Variants in ADAMTSL1 observed in about 807,000 individuals in gnomAD.
The protein encoded by ADAMTSL1 is ADAMTS like 1.
ADAMTSL1 carries 126 observed loss-of-function variants against 201.8 expected under a neutral mutation model. That is an observed-to-expected ratio of 0.62 (90% confidence interval 0.54 to 0.72). The LOEUF is 0.72. Ranked by LOEUF, ADAMTSL1 falls within the 30% of genes least tolerant of loss-of-function variation. The pLI is 0.00. For missense variants in ADAMTSL1, 2,679 were observed against 2,277.8 expected, an observed-to-expected ratio of 1.18 and a Z score of -3.59; for synonymous variants, 1,121 against 903.4, an observed-to-expected ratio of 1.24 and a Z score of -4.32.
intron 25 of ADAMTSL1, among the ~76,000 whole-genome samples, chr9:18,889,962 C>A (rs902690393): frequency 1.3e-5 from 2 of 152,088 alleles, no homozygotes; most frequent in African/African-American, 4.8e-5. Context: ...TTATTCCTCA[C>A]CCCACTAATG....
intron 2 of ADAMTSL1, among the ~76,000 whole-genome samples, chr9:18,450,925 G>A (rs953802608): frequency 1.3e-4 from 20 of 152,192 alleles, no homozygotes; most frequent in Admixed American, 2.6e-4. Context: ...AACAGGGAAA[G>A]ACAAGAACTG....
intron 9 of ADAMTSL1, among the ~76,000 whole-genome samples, chr9:18,673,501 G>T (rs1829952329): frequency 6.6e-6 from 1 of 152,222 alleles, no homozygotes. Context: ...CTGAATCCAG[G>T]TTTAAAGTTC....
chr9:18,043,649 G>A (rs559361347), intron 1 of ADAMTSL1, among the ~76,000 whole-genome samples: 1 of 152,174 alleles, frequency 6.6e-6, no homozygotes, highest in South Asian at 2.1e-4. Context: ...GCAAAGGGCA[G>A]AAGACTACAT....
intron 2 of ADAMTSL1, among the ~76,000 whole-genome samples, chr9:18,295,238 G>A (rs1833430947): frequency 1.3e-5 from 2 of 152,064 alleles, no homozygotes; most frequent in African/African-American, 4.8e-5. Flanking sequence ...GCTTTACCGA[G>A]AGGTCACAGT....
chr9:17,954,400 G>A (rs1164774326), intron 1 of ADAMTSL1, among the ~76,000 whole-genome samples: 1 of 152,288 alleles, frequency 6.6e-6, no homozygotes, highest in African/African-American at 2.4e-5. Flanking sequence ...TTCAGCCATC[G>A]TTAATCTGAT....
chr9:17,963,006 G>A (rs2772686), intron 1 of ADAMTSL1, among the ~76,000 whole-genome samples: 93,195 of 152,168 alleles, frequency 0.61, 29,001 homozygotes, highest in East Asian at 0.92. Flanking sequence ...TGTGACCTTC[G>A]GGGCACTAAA....
intron 4 of ADAMTSL1, among the ~76,000 whole-genome samples, chr9:18,614,725 G>A (rs983146031): frequency 3.3e-5 from 5 of 151,940 alleles, no homozygotes; most frequent in African/African-American, 9.7e-5. Context: ...ATATGTATTC[G>A]TAATAGCACC....
intron 19 of ADAMTSL1, among the ~76,000 whole-genome samples, chr9:18,780,108 T>A (rs776787997): frequency 5.9e-5 from 9 of 152,098 alleles, no homozygotes; most frequent in Non-Finnish European, 1.2e-4. Flanking sequence ...TTTCTTTGAG[T>A]GTTGGAGACT....
intron 7 of ADAMTSL1, among the ~76,000 whole-genome samples, chr9:18,653,727 A>G (rs772844306): frequency 3.9e-5 from 6 of 152,200 alleles, no homozygotes; most frequent in Admixed American, 6.5e-5. Context: ...TATAAGAAGT[A>G]TAGAGGTAAA....
intron 2 of ADAMTSL1, among the ~76,000 whole-genome samples, chr9:18,209,465 A>G (rs1017702410): frequency 1.3e-5 from 2 of 152,156 alleles, no homozygotes; most frequent in South Asian, 2.1e-4. Context: ...TATTTAGACC[A>G]TGGAACCAAA....
chr9:18,125,225 G>T (rs1825683956), intron 1 of ADAMTSL1, among the ~76,000 whole-genome samples: 1 of 152,076 alleles, frequency 6.6e-6, no homozygotes, highest in African/African-American at 2.4e-5. Flanking sequence ...GATGGCAGCA[G>T]GGAAAGAGAG....
chr9:18,768,581 C>G (rs1338987916), intron 16 of ADAMTSL1, among the ~76,000 whole-genome samples: 1 of 150,548 alleles, frequency 6.6e-6, no homozygotes, highest in Non-Finnish European at 1.5e-5. Flanking sequence ...GAAAATACAT[C>G]CTTTTTCCTA....
intron 1 of ADAMTSL1, among the ~76,000 whole-genome samples, chr9:18,003,425 G>C (rs1489511660): frequency 6.6e-6 from 1 of 152,070 alleles, no homozygotes; most frequent in Admixed American, 6.5e-5. Context: ...TGTGGTGAAA[G>C]GAATCTCTCC....
intron 2 of ADAMTSL1, among the ~76,000 whole-genome samples, chr9:18,414,272 G>A (rs370979698): frequency 7.2e-5 from 11 of 152,108 alleles, no homozygotes; most frequent in East Asian, 5.8e-4. Context: ...CATCTGGAAC[G>A]TATTCTCCCT....
At chr9:18,241,599 A>G (rs1029617857) in intron 2 of ADAMTSL1, among the ~76,000 whole-genome samples, 1 of 152,190 alleles carries the variant, frequency 6.6e-6, no homozygotes, top group Non-Finnish European at 1.5e-5. Context: ...ACATGATGTT[A>G]TAAGACATAT....
intron 2 of ADAMTSL1, among the ~76,000 whole-genome samples, chr9:18,280,459 G>C (rs1587458504): frequency 1.3e-5 from 2 of 151,066 alleles, no homozygotes; most frequent in African/African-American, 4.9e-5. Flanking sequence ...TTTATTGACT[G>C]TGATGTATCT....
chr9:18,314,720 C>G (rs1385420246), intron 2 of ADAMTSL1, among the ~76,000 whole-genome samples: 2 of 140,778 alleles, frequency 1.4e-5, no homozygotes, highest in Non-Finnish European at 3.0e-5. Flanking sequence ...AGCAAAAGAA[C>G]AAAGCTTCCA....
intron 6 of ADAMTSL1, 116 bp from the exon 7 acceptor site, chr9:18,639,138 A>G: frequency 1.1e-6 from 1 of 944,734 alleles, no homozygotes; most frequent in Non-Finnish European, 1.6e-6. Context: ...TTTGTCAGCT[A>G]TATAAAGAAT....
chr9:18,099,355 A>ATATATATATATATATCTAT (rs1239180390), intron 1 of ADAMTSL1, among the ~76,000 whole-genome samples: 1 of 45,562 alleles, frequency 2.2e-5, no homozygotes, highest in Admixed American at 3.3e-4. Context: ...ATATATATAT[A>ATATATATATATATATCTAT]TTTTTTTTTT....
Sources: gnomAD v4.1 joint callset for allele counts (sites outside exome capture counted in the v4.1 genomes callset) on GRCh38, gnomAD v4.1.1 for gene constraint, MANE v1.5 for transcripts, NCBI Gene and HGNC (gene_info 2026-07-23, HGNC 2026-07-21) for gene names.